MTCL1: variants seen among roughly 807,000 people sequenced by gnomAD.
MTCL1 encodes the protein microtubule crosslinking factor 1.
Under a neutral mutation model 141.4 loss-of-function variants are expected in MTCL1, and 79 were observed. The observed-to-expected ratio is 0.56, with a 90% CI of 0.47 to 0.67. The LOEUF (loss-of-function observed/expected upper bound fraction) is 0.67. MTCL1 is among the 30% of genes least tolerant of loss of function. The probability of loss-of-function intolerance (pLI) is 0.00; values close to 1 mark genes in which losing one functional copy is unlikely to be tolerated. For synonymous variants in MTCL1, 914 were observed against 875.8 expected (o/e 1.04, Z -0.77); for missense variants, 2,177 against 2,113.9 (o/e 1.03, Z -0.59).
At chr18:8,752,959 C>T (rs1207269488) in intron 4 of MTCL1, among the ~76,000 whole-genome samples, 1 of 152,114 alleles carries the variant, frequency 6.6e-6, no homozygotes, top group Admixed American at 6.5e-5. Context: ...TGCGTGGAGA[C>T]GTCGCCGTAT....
chr18:8,799,212 G>A (rs1050464610), intron 10 of MTCL1, among the ~76,000 whole-genome samples: 4 of 152,158 alleles, frequency 2.6e-5, no homozygotes, highest in Non-Finnish European at 5.9e-5. Flanking sequence ...CCTGGCCCAG[G>A]CTCCCGAAGC....
chr18:8,770,588 G>C (rs951266792), intron 4 of MTCL1, among the ~76,000 whole-genome samples: 4 of 152,164 alleles, frequency 2.6e-5, no homozygotes, highest in Non-Finnish European at 5.9e-5. Context: ...CGTCCCAAAG[G>C]CCTCACTTCT....
intron 4 of MTCL1, among the ~76,000 whole-genome samples, chr18:8,738,520 A>G (rs2096285113): frequency 6.6e-6 from 1 of 152,178 alleles, no homozygotes; most frequent in Non-Finnish European, 1.5e-5. Context: ...TTTAAAAATG[A>G]CCTTGGGAGA....
At chr18:8,783,869 C>G in exon 6 of MTCL1, 8 of 1,612,986 alleles carry the variant, frequency 5.0e-6, no homozygotes, top group Non-Finnish European at 6.8e-6. Context: ...GGGCCCGGGT[C>G]GGGACCACGC....
rs147387611 is a variant in MTCL1, at chr18:8,820,702, T to G, written c.3157-765T>G. Among the ~76,000 whole-genome samples the G allele has an allele frequency of 6.0e-3, 912 of 152,314 alleles. 11 individuals carry two copies. The highest frequency in any genetic ancestry group is 0.021 in the African/African-American group (876 of 41,572). On this transcript the variant is annotated intron_variant, in intron 13 of 16. Transcript: ENST00000359865. ...AACGTGGGGTGGGGTCAGGAGCCTG[T>G]GCGTGGGTTCCAGCCCACTGGACCC...
chr18:8,735,373 T>C (rs2096270160), intron 4 of MTCL1, among the ~76,000 whole-genome samples: 1 of 152,140 alleles, frequency 6.6e-6, no homozygotes, highest in Non-Finnish European at 1.5e-5. Context: ...TTGTGAAAAA[T>C]GGCACTGAAT....
chr18:8,796,136 C>A, intron 8 of MTCL1, 96 bp from the exon 8 acceptor site: 1 of 1,212,516 alleles, frequency 8.2e-7, no homozygotes, highest in South Asian at 1.3e-5. Flanking sequence ...TGCAGCATGA[C>A]AGAGACTGAG....
rs142715670 is a variant in MTCL1, at chr18:8,760,489, G to A, written c.358-17344G>A. Among the ~76,000 whole-genome samples the A allele has an allele frequency of 5.7e-3, 875 of 152,296 alleles. 8 individuals carry two copies. Among genetic ancestry groups the A allele is most frequent in the Non-Finnish European group, 7.1e-3 (480 of 68,028 alleles). On this transcript the variant is annotated intron_variant, in intron 4 of 16. Coordinates refer to ENST00000359865, the Ensembl canonical transcript of MTCL1. ...TTGAGGGGTGTGTTGTCATCTCAGC[G>A]GGGTGGCCCCACTCACCTGCTAGGA...
rs1415650640 is a variant in MTCL1 at position 8,810,455 on chromosome 18, T to G, written c.2605-2524T>G. On this transcript the variant is annotated intron_variant, in intron 11 of 16. Coordinates refer to ENST00000359865, the Ensembl canonical transcript of MTCL1. The surrounding 1 kb of genome is among the most constrained non-coding windows in gnomAD (Gnocchi z 5.0). Reference sequence around the variant, plus strand: ...TGAGAGGTGTGGACACAGAGGAGCTTGTGGGCAGAAGGAGTGTCCCTTCAC... The same window carrying G: ...TGAGAGGTGTGGACACAGAGGAGCTGGTGGGCAGAAGGAGTGTCCCTTCAC... Among the ~76,000 whole-genome samples the G allele has an allele frequency of 3.9e-5, 6 of 152,012 alleles. No homozygotes were observed. Among genetic ancestry groups the G allele is most frequent in the Non-Finnish European group, 7.4e-5 (5 of 67,984 alleles).
chr18:8,804,652 T>C (rs2076231187), intron 10 of MTCL1, among the ~76,000 whole-genome samples: 1 of 152,120 alleles, frequency 6.6e-6, no homozygotes, highest in South Asian at 2.1e-4. Context: ...TTGTTCCCTG[T>C]GAGAAAAAGA....
intron 7 of MTCL1, among the ~76,000 whole-genome samples, chr18:8,788,493 A>G (rs908902491): frequency 1.3e-5 from 2 of 152,180 alleles, no homozygotes; most frequent in Non-Finnish European, 2.9e-5. Context: ...ATGGATTTTT[A>G]TATTTGAGGA....
intron 10 of MTCL1, among the ~76,000 whole-genome samples, chr18:8,799,106 G>A (rs1016459403): frequency 6.6e-5 from 10 of 152,206 alleles, no homozygotes; most frequent in Non-Finnish European, 1.2e-4. Context: ...AGGTGGCCAC[G>A]GGGATGCGGC....
rs143105042 is a variant in MTCL1 at position 8,784,530 on chromosome 18, C to T, written c.1418C>T (p.Thr473Met). The T allele has an allele frequency of 7.3e-5, 117 of 1,604,698 alleles. No individual in the cohort carries two copies. The African/African-American group carries it at 1.1e-3, about 16-fold the overall frequency. The change falls in exon 6 of 17, where the codon ACG (threonine) becomes ATG (methionine). Residue 473 changes from threonine (T) to methionine (M), a missense_variant. Physicochemically the swap from Thr to Met is moderately conservative, Grantham distance 81. Transcript: ENST00000359865. ...GAGCGGACGGTGGAGCGCCTCATCA[C>T]GGACACCGACAGCTTCCTCCATGAT... is the stretch of plus-strand genomic sequence containing the variant.
At chr18:8,764,000 G>A (rs2096446449) in intron 4 of MTCL1, among the ~76,000 whole-genome samples, 1 of 152,026 alleles carries the variant, frequency 6.6e-6, no homozygotes, top group African/African-American at 2.4e-5. Context: ...TCTAAATTCT[G>A]TTCTATATAT....
intron 12 of MTCL1, 128 bp from the exon 12 acceptor site, chr18:8,818,835 C>T (rs2076747043): frequency 1.1e-6 from 1 of 945,808 alleles, no homozygotes; most frequent in Non-Finnish European, 1.6e-6. Context: ...ACTTTAAGAA[C>T]ATTTGCTTCT....
rs561758932 is a variant in MTCL1, at chr18:8,823,934, A to G, written c.3189-765A>G. Among the ~76,000 whole-genome samples, 3 of 152,304 alleles carry G rather than the reference A, an allele frequency of 2.0e-5. No homozygotes were observed. The South Asian group carries it at 6.2e-4, about 32-fold the overall frequency. ...AGGGCCTGCACTAGTCTAGATCCCT[A>G]GGTTTAAGCCTGTGCTTTGTGGGGT... On this transcript the variant is annotated intron_variant, in intron 14 of 16. Transcript: ENST00000359865.
chr18:8,821,292 T>C (rs2076838210), intron 13 of MTCL1, among the ~76,000 whole-genome samples, 175 bp from the exon 13 acceptor site: 1 of 152,196 alleles, frequency 6.6e-6, no homozygotes. Context: ...CTCGCTTTGA[T>C]GATTGTACTT....
At chr18:8,796,147 T>C in intron 8 of MTCL1, 85 bp from the exon 8 acceptor site, 1 of 1,309,126 alleles carries the variant, frequency 7.6e-7, no homozygotes, top group Non-Finnish European at 1.1e-6. Flanking sequence ...AGAGACTGAG[T>C]GGCAGTTTGC....
intron 4 of MTCL1, among the ~76,000 whole-genome samples, chr18:8,749,351 A>G (rs1328472728): frequency 6.6e-6 from 1 of 152,238 alleles, no homozygotes; most frequent in Non-Finnish European, 1.5e-5. Flanking sequence ...CCATGCTGTC[A>G]CCATAGCAGG....
Sources: allele counts gnomAD v4.1 joint callset (sites outside exome capture counted in the v4.1 genomes callset), GRCh38; gene constraint gnomAD v4.1.1; non-coding constraint Gnocchi (gnomAD v3.1); transcripts MANE v1.5; gene names NCBI Gene and HGNC (gene_info 2026-07-23, HGNC 2026-07-21).